TLE1: variants seen among roughly 807,000 people sequenced by gnomAD.
TLE1 encodes the protein TLE family member 1, transcriptional corepressor.
A neutral mutation model predicts 89.8 loss-of-function variants in TLE1; 21 were observed. That is an observed-to-expected ratio of 0.23 (90% CI 0.17 to 0.34). The LOEUF (loss-of-function observed/expected upper bound fraction) is 0.34. Among genes scored for constraint, TLE1 ranks in the 10% least tolerant of loss-of-function variants. The pLI, the probability that TLE1 is intolerant of heterozygous loss-of-function variation, is 1.00. For missense variants in TLE1, 795 were observed against 1,031.2 expected (o/e 0.77, Z 3.14); for synonymous variants, 447 against 407.6 (o/e 1.10, Z -1.16).
At chr9:81,643,701 A>T (rs919172276) in intron 6 of TLE1, among the ~76,000 whole-genome samples, 3 of 151,458 alleles carry the variant, frequency 2.0e-5, no homozygotes, top group Non-Finnish European at 4.4e-5. Context: ...CACTCAGCTA[A>T]TTTTTTTGAT....
At chr9:81,681,772 TC>T (rs1450737270) in intron 4 of TLE1, among the ~76,000 whole-genome samples, 1 of 152,124 alleles carries the variant, frequency 6.6e-6, no homozygotes, top group South Asian at 2.1e-4. Flanking sequence ...GACCCTCCTC[TC>T]CCCAGAAAGA....
chr9:81,654,327 A>G, intron 4 of TLE1, among the ~76,000 whole-genome samples: 1 of 151,882 alleles, frequency 6.6e-6, no homozygotes, highest in East Asian at 1.9e-4. Flanking sequence ...TATGGTGACT[A>G]TATATATATA....
chr9:81,595,924 A>C (rs1338236710), intron 14 of TLE1, among the ~76,000 whole-genome samples: 1 of 152,158 alleles, frequency 6.6e-6, no homozygotes, highest in Non-Finnish European at 1.5e-5. Flanking sequence ...TCTCGGTGCC[A>C]TGAGAGAAAT....
At chr9:81,593,411 T>G in intron 14 of TLE1, 137 bp from the exon 15 acceptor site, 1 of 1,244,906 alleles carries the variant, frequency 8.0e-7, no homozygotes, top group East Asian at 2.6e-5. Flanking sequence ...TTGAAATCAA[T>G]ACAAATTGAA....
chr9:81,588,405 C>T (rs1450323572), intron 16 of TLE1, among the ~76,000 whole-genome samples: 13 of 152,058 alleles, frequency 8.5e-5, no homozygotes, highest in Admixed American at 8.5e-4. Context: ...TAGAAAGAGC[C>T]CTGCATTAGG....
intron 4 of TLE1, among the ~76,000 whole-genome samples, chr9:81,656,629 CA>C (rs1564035392): frequency 6.6e-6 from 1 of 152,190 alleles, no homozygotes; most frequent in Non-Finnish European, 1.5e-5. Flanking sequence ...GTGAGAGACA[CA>C]TTTTAATACC....
At chr9:81,648,330 G>GA (rs991655992) in intron 6 of TLE1, among the ~76,000 whole-genome samples, 30 of 138,406 alleles carry the variant, frequency 2.2e-4, no homozygotes, top group Non-Finnish European at 2.5e-4. Context: ...AAGAAAGAAA[G>GA]AAAAAAAAAA....
chr9:81,587,945 T>TGTGTGTGTGTGTGTGTGA, intron 16 of TLE1, 117 bp from the exon 17 acceptor site: 4 of 1,192,980 alleles, frequency 3.4e-6, no homozygotes, highest in Admixed American at 5.0e-5. Flanking sequence ...TGTGTGTGTG[T>TGTGTGTGTGTGTGTGTGA]GATCCCGCCA....
intron 6 of TLE1, among the ~76,000 whole-genome samples, chr9:81,639,982 A>G (rs919813032): frequency 4.6e-5 from 7 of 152,114 alleles, no homozygotes; most frequent in Admixed American, 3.3e-4. Flanking sequence ...AGCAGAACCA[A>G]TTTTGACACC....
At position 81,685,814 on chromosome 9, in the gene TLE1, T is replaced by G. The variant is rs752638140; in HGVS notation, c.189+19A>C. 8 of 1,613,826 alleles carry G rather than the reference T, an allele frequency of 5.0e-6. No homozygotes were observed. The African/African-American group carries it at 1.1e-4, about 22-fold the overall frequency. ...TAATATCATATGAAAAAGGAAAAAG[T>G]CCAATCTTTGATACCTACCATCACA... On this transcript the variant is annotated intron_variant, in intron 3 of 19. Coordinates refer to ENST00000376499, the MANE Select transcript of TLE1 (RefSeq NM_005077.5).
At chr9:81,598,817 C>T (rs927450518) in intron 14 of TLE1, among the ~76,000 whole-genome samples, 2 of 152,196 alleles carry the variant, frequency 1.3e-5, no homozygotes, top group Non-Finnish European at 2.9e-5. Context: ...CCATAGCTTT[C>T]CCCTAAGCCA....
At chr9:81,680,742 C>CT (rs138552622) in intron 4 of TLE1, among the ~76,000 whole-genome samples, 1,716 of 152,112 alleles carry the variant, frequency 0.011, 43 homozygotes, top group African/African-American at 0.04. Context: ...ACAGGCCTGG[C>CT]TAATGAAGTT....
In TLE1 at chr9:81,639,344, C is replaced by T. The variant is rs114491850; in HGVS notation, c.373-5043G>A. Reference sequence around the variant, plus strand: ...GCCTTCCAAAGTGCTAGATTACAAGCGTAAGCTACCATAGCTGGCCTGCAT... The same window carrying T: ...GCCTTCCAAAGTGCTAGATTACAAGTGTAAGCTACCATAGCTGGCCTGCAT... On this transcript the variant is annotated intron_variant, in intron 6 of 19. Coordinates refer to ENST00000376499, the MANE Select transcript of TLE1 (RefSeq NM_005077.5). Among the ~76,000 whole-genome samples the T allele has an allele frequency of 2.8e-3, 419 of 152,190 alleles. 3 individuals are homozygous for T. The highest frequency in any genetic ancestry group is 8.9e-3 in the African/African-American group (369 of 41,532).
At position 81,688,909 on chromosome 9, in the gene TLE1, A is replaced by G. The variant is rs1347452185; in HGVS notation, c.-669T>C. 1 of 152,330 alleles carries G rather than the reference A, an allele frequency of 6.6e-6. No individual in the cohort carries two copies. Among genetic ancestry groups the G allele is most frequent in the Non-Finnish European group, 1.5e-5 (1 of 68,202 alleles). The allele number at this position is 152,330 out of a possible 1,614,324, so 9.4% of individuals were successfully genotyped here. A position where few individuals can be genotyped will look rare whatever the true frequency, so the allele number is the denominator to read the frequency against. On this transcript the variant is annotated 5_prime_UTR_variant, in exon 1 of 20. Transcript: ENST00000376499. ...GAGCGACGGATGACGAGGCGGGGAA[A>G]GTGCGGAGGGCGCGCCGGGAGGCGG...
chr9:81,611,980 C>T, intron 12 of TLE1, 21 bp from the exon 13 acceptor site: 1 of 1,430,134 alleles, frequency 7.0e-7, no homozygotes, highest in East Asian at 2.7e-5. Context: ...ACACAAGCCG[C>T]ACATCATTCA....
chr9:81,630,510 T>A (rs2132308213), intron 8 of TLE1, among the ~76,000 whole-genome samples: 1 of 152,308 alleles, frequency 6.6e-6, no homozygotes, highest in South Asian at 2.1e-4. Context: ...CCAGTAAGTA[T>A]CAAAAATCAA....
At chr9:81,596,036 T>G in intron 14 of TLE1, among the ~76,000 whole-genome samples, 1 of 151,944 alleles carries the variant, frequency 6.6e-6, no homozygotes, top group East Asian at 1.9e-4. Flanking sequence ...CAATCTCAGA[T>G]TTTTCAGAGA....
chr9:81,648,392 C>A (rs1402156341), intron 6 of TLE1, among the ~76,000 whole-genome samples: 3 of 151,494 alleles, frequency 2.0e-5, no homozygotes, highest in African/African-American at 4.9e-5. Flanking sequence ...TAATGGAATT[C>A]ACTGGGGTCC....
chr9:81,588,404 C>T (rs1372383121), intron 16 of TLE1, among the ~76,000 whole-genome samples: 3 of 152,086 alleles, frequency 2.0e-5, no homozygotes, highest in Non-Finnish European at 4.4e-5. Flanking sequence ...TTAGAAAGAG[C>T]CCTGCATTAG....
Sources: allele counts gnomAD v4.1 joint callset (sites outside exome capture counted in the v4.1 genomes callset), GRCh38; gene constraint gnomAD v4.1.1; transcripts MANE v1.5; gene names NCBI Gene and HGNC (gene_info 2026-07-23, HGNC 2026-07-21).